The following TTC27 variants were observed in gnomAD, a reference collection of about 807,000 sequenced individuals.
The protein encoded by TTC27 is tetratricopeptide repeat domain 27.
A neutral mutation model predicts 115.9 loss-of-function variants in TTC27; 79 were observed. That is an observed-to-expected ratio of 0.68 (90% CI 0.57 to 0.82). TTC27 has a LOEUF of 0.82. Among genes scored for constraint, TTC27 ranks in the 40% least tolerant of loss-of-function variants. The pLI, the probability that TTC27 is intolerant of heterozygous loss-of-function variation, is 0.00. For synonymous variants in TTC27, 401 were observed against 356.0 expected (o/e 1.13, Z -1.42); for missense variants, 1,054 against 993.1 (o/e 1.06, Z -0.82).
At chr2:32,631,286 G>C (rs1483668411) in intron 2 of TTC27, among the ~76,000 whole-genome samples, 1 of 152,066 alleles carries the variant, frequency 6.6e-6, no homozygotes, top group African/African-American at 2.4e-5. Context: ...CTGGGCGACA[G>C]AGCGAGACTC....
At chr2:32,646,270 C>A (rs577882258) in intron 4 of TTC27, among the ~76,000 whole-genome samples, 33 of 148,706 alleles carry the variant, frequency 2.2e-4, no homozygotes, top group African/African-American at 7.5e-4. Flanking sequence ...CCTCGTGATC[C>A]ACCTGCCTTG....
chr2:32,659,445 T>G (rs368099740), intron 5 of TTC27, among the ~76,000 whole-genome samples: 4 of 152,016 alleles, frequency 2.6e-5, no homozygotes, highest in African/African-American at 9.7e-5. Flanking sequence ...CTAACCAGTT[T>G]CTTTGATGTG....
chr2:32,644,936 G>GGGTT (rs1664797910), intron 4 of TTC27, among the ~76,000 whole-genome samples: 1 of 137,490 alleles, frequency 7.3e-6, no homozygotes, highest in Admixed American at 8.1e-5. Flanking sequence ...TTCAACTTGT[G>GGGTT]GGCTCAAGTG....
chr2:32,749,952 C>G (rs2147982791), intron 12 of TTC27, among the ~76,000 whole-genome samples: 1 of 152,186 alleles, frequency 6.6e-6, no homozygotes, highest in East Asian at 1.9e-4. Flanking sequence ...TTTATGGAAG[C>G]AGAGCCACTT....
At chr2:32,770,878 C>A (rs1177038515) in intron 13 of TTC27, among the ~76,000 whole-genome samples, 1 of 152,172 alleles carries the variant, frequency 6.6e-6, no homozygotes, top group Admixed American at 6.5e-5. Flanking sequence ...GATGTTGGAA[C>A]TCACATTCCA....
chr2:32,741,167 C>T (rs1240985477), intron 12 of TTC27, among the ~76,000 whole-genome samples: 1 of 152,220 alleles, frequency 6.6e-6, no homozygotes, highest in Non-Finnish European at 1.5e-5. Context: ...TGTCTTCTTT[C>T]AGCTAACTGC....
At chr2:32,682,016 GTGTGTGTGTGTA>G (rs1209005223) in intron 9 of TTC27, among the ~76,000 whole-genome samples, 106 of 133,816 alleles carry the variant, frequency 7.9e-4, no homozygotes, top group African/African-American at 3.0e-3. Flanking sequence ...GTGTGTGTGT[GTGTGTGTGTGTA>G]TGTCTTTTCC....
At chr2:32,660,581 G>T (rs912488201) in intron 5 of TTC27, among the ~76,000 whole-genome samples, 2 of 152,026 alleles carry the variant, frequency 1.3e-5, no homozygotes, top group African/African-American at 4.8e-5. Flanking sequence ...GGAACATCAT[G>T]GGGGGTGGGG....
chr2:32,807,585 T>C (rs1671173067), intron 16 of TTC27, among the ~76,000 whole-genome samples: 1 of 152,346 alleles, frequency 6.6e-6, no homozygotes, highest in Non-Finnish European at 1.5e-5. Context: ...TAAATGCCTA[T>C]GCAAAGGATA....
chr2:32,813,877 G>A (rs906479578), intron 18 of TTC27, among the ~76,000 whole-genome samples: 2 of 152,194 alleles, frequency 1.3e-5, no homozygotes, highest in Non-Finnish European at 2.9e-5. Flanking sequence ...GAAAGTCAAT[G>A]TAGAAAAGTT....
chr2:32,706,456 C>T (rs1341250275), intron 10 of TTC27, among the ~76,000 whole-genome samples: 2 of 151,962 alleles, frequency 1.3e-5, no homozygotes, highest in African/African-American at 4.8e-5. Flanking sequence ...TTATTTGTTG[C>T]TGTATTAAAA....
intron 12 of TTC27, among the ~76,000 whole-genome samples, chr2:32,737,808 G>T (rs1248410107): frequency 6.6e-6 from 1 of 152,002 alleles, no homozygotes; most frequent in Non-Finnish European, 1.5e-5. Flanking sequence ...TTCAAGACCA[G>T]CCTGGGCAAC....
chr2:32,666,800 T>G (rs1427349859), intron 7 of TTC27, 32 bp downstream of exon 7: 1 of 1,606,618 alleles, frequency 6.2e-7, no homozygotes, highest in Non-Finnish European at 8.5e-7. Flanking sequence ...TAAATTCAAT[T>G]AACACCTGAG....
In TTC27 at chr2:32,755,939, T is replaced by TA. The variant is rs536182009; in HGVS notation, c.1453-2353_1453-2352insA. ...CCGTGCATTAGGTAACTGTCTTAGT[T>TA]CTGTTACTACACATGATAACTTAAG... is the stretch of plus-strand genomic sequence containing the variant. On this transcript the variant is annotated intron_variant, in intron 12 of 19. Coordinates refer to ENST00000317907, the MANE Select transcript of TTC27 (RefSeq NM_017735.5). Among the ~76,000 whole-genome samples, 615 of 152,318 alleles carry TA rather than the reference T, an allele frequency of 4.0e-3. 3 individuals carry two copies. The highest frequency in any genetic ancestry group is 5.5e-3 in the Non-Finnish European group (373 of 68,030).
chr2:32,647,195 C>A (rs1664898138), intron 4 of TTC27, among the ~76,000 whole-genome samples: 1 of 152,056 alleles, frequency 6.6e-6, no homozygotes, highest in Non-Finnish European at 1.5e-5. Flanking sequence ...GAGCTTCCTG[C>A]TACCCAAAGT....
chr2:32,767,370 G>C (rs974635399), intron 13 of TTC27, among the ~76,000 whole-genome samples: 1 of 150,962 alleles, frequency 6.6e-6, no homozygotes, highest in Admixed American at 6.6e-5. Context: ...GATATATTTT[G>C]TCTTGTTAAA....
chr2:32,696,912 G>T (rs1005625770), intron 9 of TTC27, among the ~76,000 whole-genome samples: 4 of 152,146 alleles, frequency 2.6e-5, no homozygotes, highest in African/African-American at 9.6e-5. Flanking sequence ...GAATTAGTGA[G>T]TAGCCGATGG....
intron 18 of TTC27, among the ~76,000 whole-genome samples, chr2:32,816,316 C>CA (rs199561706): frequency 0.036 from 4,480 of 125,148 alleles, 83 homozygotes; most frequent in Middle Eastern, 0.12. Context: ...GACCTTGTCT[C>CA]AAAAAAAAAA....
rs1271163316 is a variant in TTC27 at position 32,708,315 on chromosome 2, T to TG, written c.1233+5395_1233+5396insG. Among the ~76,000 whole-genome samples the TG allele has an allele frequency of 5.3e-5, 7 of 132,322 alleles. No individual in the cohort carries two copies. In the East Asian group the frequency reaches 1.3e-3, roughly 25 times the overall value. 86.8% of individuals were successfully genotyped at this position (132,322 alleles called of 152,430 possible). A position where few individuals can be genotyped will look rare whatever the true frequency, so the allele number is the denominator to read the frequency against. On this transcript the variant is annotated intron_variant, in intron 10 of 19. Transcript: ENST00000317907. The stretch of plus-strand genomic sequence containing the variant: ...CTTTTCTCTACCTTGTTTTTTTTTT[T>TG]TTTTTTTTTTTAATGAGATGGAGTC...
Sources: gnomAD v4.1 joint callset for allele counts (sites outside exome capture counted in the v4.1 genomes callset) on GRCh38, gnomAD v4.1.1 for gene constraint, MANE v1.5 for transcripts, NCBI Gene and HGNC (gene_info 2026-07-23, HGNC 2026-07-21) for gene names.